Variants in FRS2 observed in about 807,000 individuals in gnomAD.
FRS2 encodes the protein fibroblast growth factor receptor substrate 2, also known as FGFR signalling adaptor.
A neutral mutation model predicts 43.9 loss-of-function variants in FRS2; 8 were observed. The ratio of observed to expected loss-of-function variants is 0.18; its 90% confidence interval spans 0.11 to 0.33. FRS2 has a LOEUF of 0.33. FRS2 is among the 10% of genes least tolerant of loss of function. The pLI, the probability that FRS2 is intolerant of heterozygous loss-of-function variation, is 1.00. For missense variants in FRS2, 534 were observed against 627.6 expected (o/e 0.85, Z 1.59); for synonymous variants, 219 against 220.3 (o/e 0.99, Z 0.05).
chr12:69,553,724 A>C (rs1308150101), intron 3 of FRS2, among the ~76,000 whole-genome samples: 1 of 152,196 alleles, frequency 6.6e-6, no homozygotes, highest in Non-Finnish European at 1.5e-5. Flanking sequence ...TGCCATTTTT[A>C]GGCCTTAGGG....
At chr12:69,571,520 C>G in intron 7 of FRS2, 86 bp downstream of exon 7, 1 of 1,032,456 alleles carries the variant, frequency 9.7e-7, no homozygotes, top group Non-Finnish European at 1.5e-6. Flanking sequence ...CAATAACACA[C>G]TAGAAATCAC....
intron 1 of FRS2, among the ~76,000 whole-genome samples, chr12:69,508,701 C>T (rs1454301889): frequency 6.6e-6 from 1 of 152,180 alleles, no homozygotes; most frequent in African/African-American, 2.4e-5. Context: ...CCAATCTTTA[C>T]AAGGCAGTCA....
rs1593073249 is a variant in FRS2 at position 69,571,307 on chromosome 12, A to G, written c.285A>G (p.Glu95=). 1 of 1,610,320 alleles carries G rather than the reference A, an allele frequency of 6.2e-7. No individual in the cohort carries two copies. Among genetic ancestry groups the G allele is most frequent in the East Asian group, 2.2e-5 (1 of 44,818 alleles). The part of the protein sequence containing the change: ...GIFAFKCARA[E]ELFNMLQEIM... Reference sequence around the variant, plus strand: ...TTGCCTTTAAGTGTGCCCGTGCAGAAGAATTATTTAACATGTTGCAAGAGA... The same window carrying G: ...TTGCCTTTAAGTGTGCCCGTGCAGAGGAATTATTTAACATGTTGCAAGAGA... Residue 95 remains glutamate (E), a synonymous_variant, in exon 7 of 9, where the codon GAA becomes GAG. Transcript: ENST00000549921.
intron 3 of FRS2, among the ~76,000 whole-genome samples, chr12:69,552,975 A>C (rs1879029052): frequency 6.6e-6 from 1 of 152,232 alleles, no homozygotes; most frequent in Non-Finnish European, 1.5e-5. Context: ...CTTTGTGCTG[A>C]GAATGAGTGA....
chr12:69,557,540 C>T (rs1879458626), intron 3 of FRS2, among the ~76,000 whole-genome samples: 1 of 151,634 alleles, frequency 6.6e-6, no homozygotes, highest in Non-Finnish European at 1.5e-5. Context: ...TTTGATTTCC[C>T]TGTATATGTT....
chr12:69,532,135 T>C (rs868658032), intron 3 of FRS2, 79 bp downstream of exon 3: 1 of 152,398 alleles, frequency 6.6e-6, no homozygotes, highest in South Asian at 2.1e-4. Context: ...AAAATTTGTT[T>C]CCATGTATTT....
chr12:69,508,182 A>T (rs1158515132), intron 1 of FRS2, among the ~76,000 whole-genome samples: 1 of 152,146 alleles, frequency 6.6e-6, no homozygotes. Flanking sequence ...ATCATTTGAC[A>T]TTCAGACTTA....
At chr12:69,536,990 C>T (rs185955799) in intron 3 of FRS2, among the ~76,000 whole-genome samples, 1 of 152,276 alleles carries the variant, frequency 6.6e-6, no homozygotes, top group Admixed American at 6.5e-5. Flanking sequence ...CATCTCCTCT[C>T]CATACCTTGC....
chr12:69,565,646 C>T (rs1017640537), intron 4 of FRS2, among the ~76,000 whole-genome samples: 3 of 152,000 alleles, frequency 2.0e-5, no homozygotes, highest in African/African-American at 7.3e-5. Context: ...CACAAACACA[C>T]ACATTAGCAT....
At chr12:69,546,902 G>A (rs994832349) in intron 3 of FRS2, among the ~76,000 whole-genome samples, 1 of 152,194 alleles carries the variant, frequency 6.6e-6, no homozygotes. Context: ...TGAAGGCAGG[G>A]TCTTGAGGTA....
intron 1 of FRS2, among the ~76,000 whole-genome samples, chr12:69,482,122 T>G (rs1871401264): frequency 6.6e-6 from 1 of 151,984 alleles, no homozygotes; most frequent in African/African-American, 2.4e-5. Flanking sequence ...TTGTTGAGAG[T>G]TTAAGGCTTG....
chr12:69,570,594 T>A, intron 6 of FRS2, 77 bp downstream of exon 6: 1 of 853,510 alleles, frequency 1.2e-6, no homozygotes, highest in Non-Finnish European at 1.9e-6. Context: ...AAGATTAAAT[T>A]AATATTTTTC....
chr12:69,489,668 C>CAA (rs11334694), intron 1 of FRS2, among the ~76,000 whole-genome samples: 9 of 91,732 alleles, frequency 9.8e-5, no homozygotes, highest in South Asian at 6.6e-4. Context: ...GACTCCATCT[C>CAA]AAAAAAAAAA....
chr12:69,471,242 C>G (rs1212978049), intron 1 of FRS2, among the ~76,000 whole-genome samples: 1 of 152,056 alleles, frequency 6.6e-6, no homozygotes, highest in Non-Finnish European at 1.5e-5. Context: ...CACCCCCTCC[C>G]CCGCCTTTTT....
intron 3 of FRS2, among the ~76,000 whole-genome samples, chr12:69,545,996 A>G (rs1462731578): frequency 1.3e-5 from 2 of 152,124 alleles, no homozygotes; most frequent in African/African-American, 2.4e-5. Context: ...CTTGTAAGGA[A>G]ATGTAGGGCG....
intron 3 of FRS2, among the ~76,000 whole-genome samples, chr12:69,558,162 C>T (rs1879590338): frequency 6.6e-6 from 1 of 152,056 alleles, no homozygotes; most frequent in Admixed American, 6.5e-5. Context: ...GGGAATCTGA[C>T]GTTCAGGTCA....
At chr12:69,483,012 G>C (rs1044787178) in intron 1 of FRS2, among the ~76,000 whole-genome samples, 60 of 152,078 alleles carry the variant, frequency 3.9e-4, no homozygotes, top group African/African-American at 1.4e-3. Context: ...ACATGCTAGT[G>C]CATGTATTAT....
Position 69,575,038 on chromosome 12 carries a change from C to CT in FRS2, c.*84dup. ...AGTGCTTCATTTTCATTTCTAAACA[C>CT]TAACTCCTTTTATAGACTGATAAAA... On this transcript the variant is annotated 3_prime_UTR_variant, in exon 9 of 9. Transcript: ENST00000549921. The CT allele has an allele frequency of 3.4e-6, 3 of 875,890 alleles. No individual in the cohort carries two copies. Among genetic ancestry groups the CT allele is most frequent in the South Asian group, 1.6e-5 (1 of 61,530 alleles). 54.3% of individuals were successfully genotyped at this position (875,890 alleles called of 1,614,324 possible). A position where few individuals can be genotyped will look rare whatever the true frequency, so the allele number is the denominator to read the frequency against.
At chr12:69,499,470 C>G (rs1873231620) in intron 1 of FRS2, among the ~76,000 whole-genome samples, 1 of 151,922 alleles carries the variant, frequency 6.6e-6, no homozygotes, top group African/African-American at 2.4e-5. Context: ...AGAAATGACC[C>G]CTGTTAATAT....
Sources: gnomAD v4.1 joint callset for allele counts (sites outside exome capture counted in the v4.1 genomes callset) on GRCh38, gnomAD v4.1.1 for gene constraint, MANE v1.5 for transcripts, NCBI Gene and HGNC (gene_info 2026-07-23, HGNC 2026-07-21) for gene names.